The following RPRD1A variants were observed in gnomAD, a reference collection of about 807,000 sequenced individuals.
RPRD1A encodes the protein regulation of nuclear pre-mRNA domain-containing protein 1A.
Under a neutral mutation model 37.8 loss-of-function variants are expected in RPRD1A, and 9 were observed. The observed-to-expected ratio is 0.24, with a 90% CI of 0.14 to 0.42. The LOEUF (loss-of-function observed/expected upper bound fraction) is 0.42, where lower values mean the gene tolerates loss of function less well. Ranked by LOEUF, RPRD1A falls within the 10% of genes least tolerant of loss-of-function variation. The pLI is 1.00. For missense variants in RPRD1A, 255 were observed against 371.0 expected, an observed-to-expected ratio of 0.69 and a Z score of 2.57; for synonymous variants, 138 against 139.7, an observed-to-expected ratio of 0.99 and a Z score of 0.08.
At chr18:36,065,712 C>G (rs1487429807) in intron 1 of RPRD1A, among the ~76,000 whole-genome samples, 1 of 152,158 alleles carries the variant, frequency 6.6e-6, no homozygotes, top group Non-Finnish European at 1.5e-5. Context: ...TATAAGAGTT[C>G]CTGTTTCTCT....
Position 35,990,216 on chromosome 18 carries a change from A to G in RPRD1A, c.*2935T>C, listed in dbSNP as rs1458210839. Reference sequence around the variant, plus strand: ...CAGAAAGGACATTCTAACTTTCCCAATTAGTTAATTTGTACTGTTGAGTTT... The same window carrying G: ...CAGAAAGGACATTCTAACTTTCCCAGTTAGTTAATTTGTACTGTTGAGTTT... On this transcript the variant is annotated 3_prime_UTR_variant, in exon 7 of 7. Transcript: ENST00000399022. The G allele has an allele frequency of 2.0e-5, 3 of 152,194 alleles. No individual in the cohort carries two copies. Among genetic ancestry groups the G allele is most frequent in the Admixed American group, 1.3e-4 (2 of 15,276 alleles). 9.4% of individuals were successfully genotyped at this position (152,194 alleles called of 1,614,324 possible).
chr18:36,050,873 T>C (rs1283947686), intron 1 of RPRD1A, among the ~76,000 whole-genome samples: 2 of 151,804 alleles, frequency 1.3e-5, no homozygotes. Flanking sequence ...CTTTTCTTTT[T>C]TTTTTTTACT....
chr18:36,063,782 AC>A (rs1822231369), intron 1 of RPRD1A, among the ~76,000 whole-genome samples: 1 of 152,192 alleles, frequency 6.6e-6, no homozygotes, highest in South Asian at 2.1e-4. Flanking sequence ...CAAAGGCTAC[AC>A]CCTGCAAAAG....
At position 36,033,811 on chromosome 18, in the gene RPRD1A, G is replaced by A. The variant is rs1328384016; in HGVS notation, c.178C>T (p.Leu60Phe). The change falls in exon 2 of 7, where the codon CTC (leucine) becomes TTC (phenylalanine). Residue 60 changes from leucine (L) to phenylalanine (F), a missense_variant. Physicochemically the swap from Leu to Phe is conservative, Grantham distance 22 (BLOSUM62 0). This residue lies in a region of RPRD1A where 44 missense variants were observed against 102.1 expected (regional missense o/e 0.43). Coordinates refer to ENST00000399022, the MANE Select transcript of RPRD1A (RefSeq NM_018170.5). Reference sequence around the variant, plus strand: ...TGTATGACATCATTGGCTAGGTAGAGAAAAGTAAGCTTCCTGTTTGGTTTG... The same window carrying A: ...TGTATGACATCATTGGCTAGGTAGAAAAAAGTAAGCTTCCTGTTTGGTTTG... ...KAKPNRKLTFLYLANDVIQNS... is the reference protein window; with the variant it reads ...KAKPNRKLTFFYLANDVIQNS... 6.2e-7 allele frequency: 1 copy of A among 1,610,884 alleles called. No homozygotes were observed. The highest frequency in any genetic ancestry group is 1.7e-5 in the Admixed American group (1 of 59,296).
At chr18:36,011,134 C>T (rs1910153603) in intron 6 of RPRD1A, among the ~76,000 whole-genome samples, 2 of 152,198 alleles carry the variant, frequency 1.3e-5, no homozygotes, top group African/African-American at 2.4e-5. Context: ...GAGGTATTTA[C>T]TGTATGTGTG....
Position 36,033,799 on chromosome 18 carries a change from T to C in RPRD1A, c.190A>G (p.Asn64Asp). The change falls in exon 2 of 7, where the codon AAT (asparagine) becomes GAT (aspartate). Residue 64 changes from asparagine to aspartate, a missense_variant. By Grantham distance (23) the Asn-to-Asp change is conservative (BLOSUM62 1). This residue lies in a region of RPRD1A where 44 missense variants were observed against 102.1 expected (regional missense o/e 0.43). Transcript: ENST00000399022. ...NRKLTFLYLA[N>D]DVIQNSKRKG... ...CTCTTGCTGTTCTGTATGACATCAT[T>C]GGCTAGGTAGAGAAAAGTAAGCTTC... The C allele has an allele frequency of 1.2e-6, 2 of 1,612,740 alleles. No homozygotes were observed. The highest frequency in any genetic ancestry group is 1.7e-6 in the Non-Finnish European group (2 of 1,179,308).
Position 36,062,871 on chromosome 18 carries a change from C to T in RPRD1A, c.151+4383G>A, listed in dbSNP as rs140714740. On this transcript the variant is annotated intron_variant, in intron 1 of 6. Coordinates refer to ENST00000399022, the MANE Select transcript of RPRD1A (RefSeq NM_018170.5). Reference sequence around the variant, plus strand: ...TGTTCTAAAACTGGTGGTAGCTTTACAATTCTATAAACATATCAAAAACCA... The same window carrying T: ...TGTTCTAAAACTGGTGGTAGCTTTATAATTCTATAAACATATCAAAAACCA... 4.6e-5 allele frequency: 7 copies of T among 152,208 alleles called. No individual in the cohort carries two copies. The East Asian group carries it at 1.2e-3, about 25-fold the overall frequency. The allele number at this position is 152,208 out of a possible 1,614,324, so 9.4% of individuals were successfully genotyped here. A position where few individuals can be genotyped will look rare whatever the true frequency, so the allele number is the denominator to read the frequency against.
chr18:36,062,132 A>G (rs1343570759), intron 1 of RPRD1A, among the ~76,000 whole-genome samples: 1 of 151,238 alleles, frequency 6.6e-6, no homozygotes. Context: ...CCTGGCTAAC[A>G]AGGTGAAACC....
intron 6 of RPRD1A, among the ~76,000 whole-genome samples, chr18:36,002,902 GACTC>G (rs1909514109): frequency 6.6e-6 from 1 of 152,166 alleles, no homozygotes; most frequent in Admixed American, 6.5e-5. Flanking sequence ...GCCAGAGACT[GACTC>G]ACTCTTTATT....
At chr18:35,999,468 G>T (rs1352529433) in intron 6 of RPRD1A, among the ~76,000 whole-genome samples, 1 of 152,166 alleles carries the variant, frequency 6.6e-6, no homozygotes, top group Non-Finnish European at 1.5e-5. Context: ...ACATCTAAGA[G>T]AATAAATTTC....
chr18:36,032,930 G>A (rs575514383), intron 2 of RPRD1A, among the ~76,000 whole-genome samples: 1 of 152,180 alleles, frequency 6.6e-6, no homozygotes, highest in Non-Finnish European at 1.5e-5. Context: ...ATCTGGACTG[G>A]AGCATAAAAC....
At chr18:36,025,492 T>C in intron 6 of RPRD1A, 1 of 487,824 alleles carries the variant, frequency 2.0e-6, no homozygotes, top group South Asian at 2.1e-5. Context: ...TAAATTCTGT[T>C]TTTGTAAACA....
intron 1 of RPRD1A, among the ~76,000 whole-genome samples, chr18:36,041,790 C>CCATTG (rs1912599344): frequency 6.6e-6 from 1 of 152,218 alleles, no homozygotes; most frequent in African/African-American, 2.4e-5. Flanking sequence ...GAAAGCATAT[C>CCATTG]AAGAGATGAT....
intron 1 of RPRD1A, among the ~76,000 whole-genome samples, chr18:36,062,043 C>T (rs891560690): frequency 2.6e-5 from 4 of 152,170 alleles, no homozygotes; most frequent in African/African-American, 9.6e-5. Context: ...CATGGCCGGG[C>T]GCGGTGGCTC....
intron 1 of RPRD1A, chr18:36,040,689 T>C: frequency 3.7e-6 from 2 of 540,578 alleles, no homozygotes; most frequent in East Asian, 6.6e-5. Flanking sequence ...TCACAGGAAT[T>C]TTGCCTTTCA....
intron 1 of RPRD1A, among the ~76,000 whole-genome samples, chr18:36,049,324 T>G (rs1236192736): frequency 6.6e-6 from 1 of 152,224 alleles, no homozygotes; most frequent in Non-Finnish European, 1.5e-5. Context: ...AACTAATTTC[T>G]TTTTTAAACT....
At chr18:36,033,299 C>CCAAAAAAAAAAA (rs1348356259) in intron 2 of RPRD1A, among the ~76,000 whole-genome samples, 21 of 75,918 alleles carry the variant, frequency 2.8e-4, no homozygotes, top group African/African-American at 1.2e-3. Flanking sequence ...GACTCTGTCT[C>CCAAAAAAAAAAA]AAAAAAAAAA....
intron 1 of RPRD1A, among the ~76,000 whole-genome samples, chr18:36,047,142 AGG>A (rs1913016575): frequency 6.6e-6 from 1 of 152,098 alleles, no homozygotes; most frequent in Non-Finnish European, 1.5e-5. Context: ...CAGAGGTTGG[AGG>A]TTACAGTGAG....
chr18:36,020,205 T>C (rs867808193), intron 6 of RPRD1A, among the ~76,000 whole-genome samples: 24 of 152,198 alleles, frequency 1.6e-4, no homozygotes, highest in Non-Finnish European at 2.6e-4. Context: ...ATGATAAGTC[T>C]TAAGGTTGAC....
Sources: gnomAD v4.1 joint callset for allele counts (sites outside exome capture counted in the v4.1 genomes callset) on GRCh38, gnomAD v4.1.1 for gene constraint, gnomAD v4.1.1 regional missense constraint, MANE v1.5 for transcripts, NCBI Gene and HGNC (gene_info 2026-07-23, HGNC 2026-07-21) for gene names.